Variants in OXR1 observed in about 807,000 individuals in gnomAD.
OXR1 encodes the protein oxidation resistance protein 1.
Under a neutral mutation model 104.6 loss-of-function variants are expected in OXR1, and 41 were observed. The ratio of observed to expected loss-of-function variants is 0.39; its 90% CI spans 0.31 to 0.51. The LOEUF is 0.51. Ranked by LOEUF, OXR1 falls within the 20% of genes least tolerant of loss-of-function variation. The pLI, the probability that OXR1 is intolerant of heterozygous loss-of-function variation, is 0.77. For synonymous variants in OXR1, 348 were observed against 348.4 expected (o/e 1.00, Z 0.01); for missense variants, 955 against 1,031.9 (o/e 0.93, Z 1.02).
At chr8:106,611,536 TA>T (rs1428122544) in intron 3 of OXR1, among the ~76,000 whole-genome samples, 82 of 152,214 alleles carry the variant, frequency 5.4e-4, no homozygotes, top group Non-Finnish European at 2.9e-5. Context: ...GTTATTTCCC[TA>T]AGGGTTAAAG....
At position 106,383,783 on chromosome 8, in the gene OXR1, C is replaced by T. The variant is rs1171458617; in HGVS notation, c.23+24147C>T. ...ACCTACAGGGTCTGAAGCCATACATCGTAAGCCAAGTCAGTGCAGCCTTTA... is the reference window on the plus strand; with the variant it reads ...ACCTACAGGGTCTGAAGCCATACATTGTAAGCCAAGTCAGTGCAGCCTTTA... On this transcript the variant is annotated intron_variant, in intron 2 of 16. Transcript: ENST00000517566. 7.9e-5 allele frequency among the ~76,000 whole-genome samples: 12 copies of T among 152,194 alleles called. No homozygotes were observed. In the East Asian group the frequency reaches 1.5e-3, roughly 20 times the overall value.
chr8:106,668,904 T>C (rs762385465), intron 3 of OXR1, among the ~76,000 whole-genome samples: 34 of 152,322 alleles, frequency 2.2e-4, no homozygotes, highest in Non-Finnish European at 2.9e-5. Flanking sequence ...TGCAAATCAA[T>C]AGTAAATCTG....
At chr8:106,592,154 TATTAA>T (rs1819149640) in intron 3 of OXR1, among the ~76,000 whole-genome samples, 1 of 152,218 alleles carries the variant, frequency 6.6e-6, no homozygotes, top group African/African-American at 2.4e-5. Context: ...GCCTTTTCCC[TATTAA>T]ATTAAAAGTC....
chr8:106,373,182 A>G (rs1816777563), intron 2 of OXR1, among the ~76,000 whole-genome samples: 1 of 152,156 alleles, frequency 6.6e-6, no homozygotes, highest in Non-Finnish European at 1.5e-5. Context: ...TTATACCTGG[A>G]ACTTGAGTAT....
chr8:106,515,417 C>T (rs1285472797), intron 2 of OXR1, among the ~76,000 whole-genome samples: 1 of 152,044 alleles, frequency 6.6e-6, no homozygotes, highest in African/African-American at 2.4e-5. Context: ...CTTATTTCTC[C>T]TGATAAAATT....
chr8:106,377,222 C>T (rs936167468), intron 2 of OXR1, among the ~76,000 whole-genome samples: 12 of 152,168 alleles, frequency 7.9e-5, no homozygotes, highest in Non-Finnish European at 8.8e-5. Context: ...TTCCCCCTCT[C>T]GCTCAGGCTA....
intron 1 of OXR1, among the ~76,000 whole-genome samples, chr8:106,348,627 T>C (rs1375954743): frequency 6.6e-6 from 1 of 152,160 alleles, no homozygotes; most frequent in Non-Finnish European, 1.5e-5. Flanking sequence ...CATTGATAAA[T>C]ATATCAAAAC....
intron 1 of OXR1, among the ~76,000 whole-genome samples, chr8:106,336,075 G>A (rs11997138): frequency 0.32 from 47,920 of 152,092 alleles, 10,063 homozygotes; most frequent in African/African-American, 0.6. Flanking sequence ...CAGTCTGAGC[G>A]ACAGAGTGAG....
intron 6 of OXR1, among the ~76,000 whole-genome samples, chr8:106,687,576 C>T (rs544449016): frequency 1.3e-5 from 2 of 151,966 alleles, no homozygotes; most frequent in South Asian, 4.2e-4. Flanking sequence ...AAAAATTAGC[C>T]GGGTGTGGTG....
At chr8:106,375,101 G>A (rs1040263981) in intron 2 of OXR1, among the ~76,000 whole-genome samples, 13 of 152,240 alleles carry the variant, frequency 8.5e-5, no homozygotes, top group African/African-American at 3.1e-4. Flanking sequence ...ATTTTTCCCT[G>A]AGGTTTTTAT....
chr8:106,622,556 A>AC (rs1481378226), intron 3 of OXR1, among the ~76,000 whole-genome samples: 2 of 151,658 alleles, frequency 1.3e-5, no homozygotes, highest in African/African-American at 4.8e-5. Context: ...TATTCCTTGA[A>AC]CACACCATGC....
intron 2 of OXR1, among the ~76,000 whole-genome samples, chr8:106,370,263 C>T (rs953807132): frequency 1.1e-4 from 16 of 152,102 alleles, no homozygotes; most frequent in African/African-American, 3.4e-4. Flanking sequence ...CCTGAGACTG[C>T]GCTGAAGTTG....
chr8:106,276,580 C>T (rs1255220806), intron 1 of OXR1, among the ~76,000 whole-genome samples: 1 of 152,150 alleles, frequency 6.6e-6, no homozygotes, highest in Admixed American at 6.5e-5. Flanking sequence ...AGTAGTCACT[C>T]TGCATCATTT....
chr8:106,353,672 A>G (rs146681365), intron 1 of OXR1, among the ~76,000 whole-genome samples: 298 of 152,182 alleles, frequency 2.0e-3, no homozygotes, highest in African/African-American at 6.9e-3. Flanking sequence ...GTATGTATAC[A>G]TTGTGGAATG....
chr8:106,726,339 A>G (rs1051878303), intron 11 of OXR1: 4 of 1,149,070 alleles, frequency 3.5e-6, no homozygotes, highest in African/African-American at 1.6e-5. Flanking sequence ...TTTAATTTGT[A>G]TATATACTAG....
chr8:106,448,464 CAATT>C (rs1476295509), intron 2 of OXR1, among the ~76,000 whole-genome samples: 1 of 151,096 alleles, frequency 6.6e-6, no homozygotes, highest in Non-Finnish European at 1.5e-5. Flanking sequence ...TTTGTATTCT[CAATT>C]AAAATATATT....
intron 3 of OXR1, among the ~76,000 whole-genome samples, chr8:106,617,117 C>T (rs995055701): frequency 3.9e-5 from 6 of 152,192 alleles, no homozygotes; most frequent in East Asian, 3.9e-4. Flanking sequence ...TTACTTCTAC[C>T]GGGATAACAG....
chr8:106,675,875 T>TA (rs981023411), intron 3 of OXR1, among the ~76,000 whole-genome samples: 3 of 152,174 alleles, frequency 2.0e-5, no homozygotes, highest in Admixed American at 2.0e-4. Flanking sequence ...TGTCTAATAT[T>TA]GTCAGTGGGG....
intron 3 of OXR1, among the ~76,000 whole-genome samples, chr8:106,527,433 A>G (rs552187809): frequency 5.0e-4 from 76 of 152,220 alleles, no homozygotes; most frequent in Non-Finnish European, 1.0e-3. Context: ...GATCTTTCAT[A>G]CTGCGCTTAC....
Sources: allele counts gnomAD v4.1 joint callset (sites outside exome capture counted in the v4.1 genomes callset), GRCh38; gene constraint gnomAD v4.1.1; transcripts MANE v1.5; gene names NCBI Gene and HGNC (gene_info 2026-07-23, HGNC 2026-07-21).